The following ZNF91 variants were observed in gnomAD, a reference collection of about 807,000 sequenced individuals.
ZNF91 encodes the protein zinc finger protein 91 (HPF7, HTF10).
A neutral mutation model predicts 12.6 loss-of-function variants in ZNF91; 7 were observed. That is an observed-to-expected ratio of 0.55 (90% CI 0.31 to 1.04). The LOEUF is 1.04. ZNF91 is among the 50% of genes least tolerant of loss of function. The pLI, the probability that ZNF91 is intolerant of heterozygous loss-of-function variation, is 0.05. For missense variants in ZNF91, 1,217 were observed against 1,385.4 expected (o/e 0.88, Z 1.93); for synonymous variants, 453 against 462.6 (o/e 0.98, Z 0.27).
At chr19:23,318,597 T>C (rs981705309) in intron 1 of ZNF91, among the ~76,000 whole-genome samples, 2 of 152,154 alleles carry the variant, frequency 1.3e-5, no homozygotes, top group African/African-American at 4.8e-5. Flanking sequence ...TTGTGACATA[T>C]CTCTAAGTTC....
At chr19:23,343,354 T>C (rs1968160958) in intron 3 of ZNF91, among the ~76,000 whole-genome samples, 1 of 152,236 alleles carries the variant, frequency 6.6e-6, no homozygotes, top group South Asian at 2.1e-4. Context: ...ACATAAATGA[T>C]TCTAACTTAA....
chr19:23,343,507 TG>T (rs1968163533), intron 3 of ZNF91, among the ~76,000 whole-genome samples: 1 of 152,146 alleles, frequency 6.6e-6, no homozygotes, highest in Non-Finnish European at 1.5e-5. Flanking sequence ...GTAAGAAAAA[TG>T]GATGTGCTGT....
rs1325838506 is a variant in ZNF91, at chr19:23,359,604, C to G, written c.3375G>C (p.Lys1125Asn). ...FKESSALTKH[K>N]IIHTGEKPYK... ...AGGGTTTCTCTCCAGTGTGAATTATCTTATGTTTAGTAAGAGCTGAGGACT... is the reference window on the plus strand; with the variant it reads ...AGGGTTTCTCTCCAGTGTGAATTATGTTATGTTTAGTAAGAGCTGAGGACT... The change falls in exon 4 of 4, where the codon AAG becomes AAC. Residue 1125 changes from lysine (K) to asparagine (N), a missense_variant. Physicochemically the swap from Lys to Asn is moderately conservative, Grantham distance 94. This residue lies in a region of ZNF91 where 491 missense variants were observed against 489.8 expected (regional missense o/e 1.00). Transcript: ENST00000300619. 1 of 1,614,030 alleles carries G rather than the reference C, an allele frequency of 6.2e-7. No individual in the cohort carries two copies. Among genetic ancestry groups the G allele is most frequent in the Non-Finnish European group, 8.5e-7 (1 of 1,179,922 alleles).
chr19:23,390,668 C>G (rs914980962), intron 1 of ZNF91, among the ~76,000 whole-genome samples: 8 of 152,022 alleles, frequency 5.3e-5, no homozygotes, highest in Non-Finnish European at 1.0e-4. Context: ...AAGCAATACT[C>G]TTGTTCCTCA....
intron 1 of ZNF91, among the ~76,000 whole-genome samples, chr19:23,375,894 T>G (rs1969488193): frequency 1.3e-5 from 2 of 152,242 alleles, no homozygotes; most frequent in African/African-American, 4.8e-5. Context: ...AGTATGCTGA[T>G]GCACCATATT....
chr19:23,323,658 CCTT>C (rs148218376), intron 1 of ZNF91, among the ~76,000 whole-genome samples: 13,207 of 140,810 alleles, frequency 0.094, 975 homozygotes, highest in East Asian at 0.34. Context: ...CTCTCCTCCT[CCTT>C]TCCTCTTCTC....
intron 3 of ZNF91, among the ~76,000 whole-genome samples, chr19:23,348,638 G>A (rs1019992965): frequency 6.6e-6 from 1 of 152,102 alleles, no homozygotes; most frequent in Non-Finnish European, 1.5e-5. Flanking sequence ...ATTGTAAAAC[G>A]TAGGTGTTTG....
chr19:23,348,144 G>T (rs1208068786), intron 3 of ZNF91, among the ~76,000 whole-genome samples: 1 of 152,116 alleles, frequency 6.6e-6, no homozygotes, highest in African/African-American at 2.4e-5. Flanking sequence ...TACCTCTCTT[G>T]TTAAACTCAC....
chr19:23,345,223 C>T (rs1393371059), intron 3 of ZNF91, among the ~76,000 whole-genome samples: 1 of 152,176 alleles, frequency 6.6e-6, no homozygotes, highest in Non-Finnish European at 1.5e-5. Context: ...GTCCCCTTTT[C>T]CCTGTTCTCT....
At chr19:23,357,084 G>A (rs1403444709), downstream of ZNF91, among the ~76,000 whole-genome samples, 4 of 152,126 alleles carry the variant, frequency 2.6e-5, no homozygotes, top group East Asian at 1.9e-4. Flanking sequence ...AAAATGAGCC[G>A]GGCGTGGTGA....
chr19:23,349,346 T>C (rs1968306590), intron 3 of ZNF91, among the ~76,000 whole-genome samples: 1 of 152,110 alleles, frequency 6.6e-6, no homozygotes, highest in South Asian at 2.1e-4. Context: ...AAAATTTCTC[T>C]CTTTATACTC....
Position 23,358,865 on chromosome 19 carries a change from A to C in ZNF91, c.*538T>G, listed in dbSNP as rs1568380264. ...GCGTTGGCACATCTTTCAGGTTTGT[A>C]GAGTTTCTCTCCAGTATGAATAATA... is the stretch of plus-strand genomic sequence containing the variant. On this transcript the variant is annotated 3_prime_UTR_variant, in exon 4 of 4. Transcript: ENST00000300619. 1 of 175,278 alleles carries C rather than the reference A, an allele frequency of 5.7e-6. No homozygotes were observed. Among genetic ancestry groups the C allele is most frequent in the Non-Finnish European group, 1.3e-5 (1 of 76,568 alleles). The allele number at this position is 175,278 out of a possible 1,614,324, so 10.9% of individuals were successfully genotyped here. A position where few individuals can be genotyped will look rare whatever the true frequency, so the allele number is the denominator to read the frequency against.
At chr19:23,368,562 C>CTCTCTCTCTATA (rs768532900) in intron 3 of ZNF91, among the ~76,000 whole-genome samples, 3 of 118,632 alleles carry the variant, frequency 2.5e-5, no homozygotes, top group African/African-American at 6.6e-5. Flanking sequence ...CTCTCTCTCT[C>CTCTCTCTCTATA]TATATATATA....
chr19:23,356,659 A>G (rs369880650), downstream of ZNF91, among the ~76,000 whole-genome samples: 1 of 152,222 alleles, frequency 6.6e-6, no homozygotes, highest in Non-Finnish European at 1.5e-5. Context: ...TGGATGCACC[A>G]GGATCTCACA....
At chr19:23,323,528 CCTCCTT>C (rs1045737411) in intron 1 of ZNF91, among the ~76,000 whole-genome samples, 3 of 146,834 alleles carry the variant, frequency 2.0e-5, no homozygotes, top group African/African-American at 7.5e-5. Flanking sequence ...CTACTCTTCT[CCTCCTT>C]TTCCTTTTTC....
chr19:23,385,669 T>A (rs2145128971), intron 1 of ZNF91, among the ~76,000 whole-genome samples: 1 of 152,272 alleles, frequency 6.6e-6, no homozygotes, highest in South Asian at 2.1e-4. Context: ...CTCCAACATT[T>A]TCTGAGCAAG....
chr19:23,377,936 T>G (rs1010715213), intron 1 of ZNF91, among the ~76,000 whole-genome samples: 1 of 146,210 alleles, frequency 6.8e-6, no homozygotes, highest in Admixed American at 6.7e-5. Context: ...TCCAGCATTT[T>G]TATTTCTTCT....
intron 1 of ZNF91, among the ~76,000 whole-genome samples, chr19:23,317,805 C>T (rs551359398): frequency 4.5e-4 from 68 of 152,290 alleles, no homozygotes; most frequent in Non-Finnish European, 7.3e-4. Flanking sequence ...GAGGTTCCCA[C>T]GCACAGACCT....
chr19:23,373,346 T>TATATATA (rs1491403502), intron 3 of ZNF91, among the ~76,000 whole-genome samples: 7 of 85,800 alleles, frequency 8.2e-5, no homozygotes, highest in Non-Finnish European at 1.3e-4. Flanking sequence ...TCATGTAATC[T>TATATATA]TATATATATA....
Sources: allele counts gnomAD v4.1 joint callset (sites outside exome capture counted in the v4.1 genomes callset), GRCh38; gene constraint gnomAD v4.1.1; regional missense constraint gnomAD v4.1.1; transcripts MANE v1.5; gene names NCBI Gene and HGNC (gene_info 2026-07-23, HGNC 2026-07-21).